Variants in SLAIN1 observed in about 807,000 individuals in gnomAD.
The protein encoded by SLAIN1 is SLAIN family member 1, also known as SLAIN motif-containing protein 1.
A neutral mutation model predicts 55.4 loss-of-function variants in SLAIN1; 17 were observed. The observed-to-expected ratio is 0.31, with a 90% CI of 0.21 to 0.46. SLAIN1 has a LOEUF of 0.46. Among genes scored for constraint, SLAIN1 ranks in the 20% least tolerant of loss-of-function variants. The probability of loss-of-function intolerance (pLI) is 1.00; values close to 1 mark genes in which losing one functional copy is unlikely to be tolerated. For synonymous variants in SLAIN1, 348 were observed against 337.4 expected, an observed-to-expected ratio of 1.03 and a Z score of -0.35; for missense variants, 682 against 785.1, an observed-to-expected ratio of 0.87 and a Z score of 1.57.
intron 5 of SLAIN1, among the ~76,000 whole-genome samples, chr13:77,757,313 G>T (rs184924920): frequency 6.6e-6 from 1 of 152,066 alleles, no homozygotes; most frequent in African/African-American, 2.4e-5. Flanking sequence ...GAGATGATTC[G>T]TCAACCAAGA....
rs192231853 is a variant in SLAIN1, at chr13:77,733,396, T to G, written c.767-10887T>G. On this transcript the variant is annotated intron_variant, in intron 2 of 6. Transcript: ENST00000418532. ...AAATCATGTTTTAAAAATATTACAT[T>G]TTGAGTAAAATTGGAAGTTTAAAGA... 1.9e-3 allele frequency among the ~76,000 whole-genome samples: 288 copies of G among 152,282 alleles called. 2 individuals carry two copies. The highest frequency in any genetic ancestry group is 6.1e-3 in the African/African-American group (253 of 41,584).
At position 77,697,789 on chromosome 13, in the gene SLAIN1, C is replaced by G. The variant is rs1415074810; in HGVS notation, c.-125C>G. ...CTGATGCGAACCGCCGGCTCGGCCT[C>G]AGCCCGCGCGTGGTCGGCCCCCCAG... On this transcript the variant is annotated 5_prime_UTR_variant, in exon 1 of 7. The change creates a premature stop within an existing upstream ORF in the 5' untranslated region. Transcript: ENST00000418532. 2 of 1,055,978 alleles carry G rather than the reference C, an allele frequency of 1.9e-6. No homozygotes were observed. The highest frequency in any genetic ancestry group is 2.4e-6 in the Non-Finnish European group (2 of 848,964). The allele number at this position is 1,055,978 out of a possible 1,614,324, so 65.4% of individuals were successfully genotyped here.
At chr13:77,717,914 T>A (rs1010694335) in intron 1 of SLAIN1, among the ~76,000 whole-genome samples, 1 of 152,066 alleles carries the variant, frequency 6.6e-6, no homozygotes, top group African/African-American at 2.4e-5. Context: ...TAACCTATAC[T>A]TGTGAGTAGG....
At chr13:77,748,517 G>A (rs1291106674) in intron 4 of SLAIN1, among the ~76,000 whole-genome samples, 3 of 146,288 alleles carry the variant, frequency 2.1e-5, no homozygotes, top group African/African-American at 2.5e-5. Flanking sequence ...ATTTTTCTCC[G>A]CTTAGCTGTT....
chr13:77,748,720 C>T (rs946376913), intron 4 of SLAIN1, among the ~76,000 whole-genome samples: 1 of 152,098 alleles, frequency 6.6e-6, no homozygotes, highest in South Asian at 2.1e-4. Context: ...AATACAAAGG[C>T]AATCTTCTGG....
chr13:77,699,793 T>C (rs906596369), intron 1 of SLAIN1, among the ~76,000 whole-genome samples: 7 of 152,272 alleles, frequency 4.6e-5, no homozygotes, highest in African/African-American at 1.4e-4. Context: ...TGTAAAAAAA[T>C]CAAACAACTC....
intron 4 of SLAIN1, among the ~76,000 whole-genome samples, chr13:77,752,760 C>T (rs977591314): frequency 2.0e-5 from 3 of 152,140 alleles, no homozygotes; most frequent in Non-Finnish European, 2.9e-5. Flanking sequence ...GTCTGATGCT[C>T]GAGGGTAGGA....
rs576128511 is a variant in SLAIN1 at position 77,746,989 on chromosome 13, C to A, written c.1258+134C>A. 6 of 754,916 alleles carry A rather than the reference C, an allele frequency of 7.9e-6. No homozygotes were observed. The African/African-American group carries it at 1.1e-4, about 13-fold the overall frequency. 46.8% of individuals were successfully genotyped at this position (754,916 alleles called of 1,614,324 possible). On this transcript the variant is annotated intron_variant, in intron 4 of 6. Coordinates refer to ENST00000418532, the MANE Select transcript of SLAIN1 (RefSeq NM_001242868.2). ...TCTCCTAGGTTGGAGTGCAGTGGCACGATCTCAGCTCACTGCAACCTCCAC... is the reference window on the plus strand; with the variant it reads ...TCTCCTAGGTTGGAGTGCAGTGGCAAGATCTCAGCTCACTGCAACCTCCAC...
intron 2 of SLAIN1, among the ~76,000 whole-genome samples, chr13:77,740,535 C>T (rs1223307950): frequency 6.6e-6 from 1 of 150,478 alleles, no homozygotes. Context: ...ACCGCCCCCC[C>T]CCCCTTTTTT....
chr13:77,709,093 A>T (rs2091120016), intron 1 of SLAIN1, among the ~76,000 whole-genome samples: 1 of 151,980 alleles, frequency 6.6e-6, no homozygotes, highest in South Asian at 2.1e-4. Context: ...GCTGAAAAAC[A>T]CAGCACGAGA....
rs112292176 is a variant in SLAIN1, at chr13:77,697,818, G to C, written c.-96G>C. ...CCGCGCGTGGTCGGCCCCCCAGGCC[G>C]GGGCGACAGGGAAGGAGCCGTAGCC... is the stretch of plus-strand genomic sequence containing the variant. On this transcript the variant is annotated 5_prime_UTR_variant, in exon 1 of 7. Coordinates refer to ENST00000418532, the MANE Select transcript of SLAIN1 (RefSeq NM_001242868.2). 12 of 1,169,424 alleles carry C rather than the reference G, an allele frequency of 1.0e-5. No homozygotes were observed. Among genetic ancestry groups the C allele is most frequent in the Non-Finnish European group, 1.3e-5 (12 of 946,382 alleles). The allele number at this position is 1,169,424 out of a possible 1,614,324, so 72.4% of individuals were successfully genotyped here. A position where few individuals can be genotyped will look rare whatever the true frequency, so the allele number is the denominator to read the frequency against.
At chr13:77,747,894 A>G (rs1406540384) in intron 4 of SLAIN1, among the ~76,000 whole-genome samples, 1 of 152,164 alleles carries the variant, frequency 6.6e-6, no homozygotes, top group African/African-American at 2.4e-5. Context: ...AGAAGCAATC[A>G]TGTAATATTC....
rs189028505 is a variant in SLAIN1, at chr13:77,752,657, G to T, written c.1259-546G>T. On this transcript the variant is annotated intron_variant, in intron 4 of 6. Transcript: ENST00000418532. ...CCAAATCCTCAAAAGTAGGGAAGCC[G>T]CCAGTGCAGCCTTCAGTCTGTGGCC... Among the ~76,000 whole-genome samples, 40 of 152,262 alleles carry T rather than the reference G, an allele frequency of 2.6e-4. No individual in the cohort carries two copies. In the East Asian group the frequency reaches 7.3e-3, roughly 28 times the overall value.
intron 1 of SLAIN1, among the ~76,000 whole-genome samples, chr13:77,713,119 C>T (rs1161560011): frequency 6.6e-6 from 1 of 151,998 alleles, no homozygotes; most frequent in East Asian, 1.9e-4. Flanking sequence ...AGAAGAAAAC[C>T]TGGGCAATAC....
rs2091001430 is a variant in SLAIN1 at position 77,698,867 on chromosome 13, T to C, written c.626+328T>C. On this transcript the variant is annotated intron_variant, in intron 1 of 6. Coordinates refer to ENST00000418532, the MANE Select transcript of SLAIN1 (RefSeq NM_001242868.2). This position sits in a 1 kb window ranked among gnomAD's most constrained non-coding sequence, Gnocchi z 4.1. ...CATTAAGTGCAAAATCCATGTCATC[T>C]TGTCTTTTTGCTCAGTGCTGCTCTT... 6.6e-7 allele frequency: 1 copy of C among 1,513,596 alleles called. No individual in the cohort carries two copies. The highest frequency in any genetic ancestry group is 8.8e-7 in the Non-Finnish European group (1 of 1,131,850). 93.8% of individuals were successfully genotyped at this position (1,513,596 alleles called of 1,614,324 possible).
At chr13:77,715,007 A>G (rs2091192560) in intron 1 of SLAIN1, among the ~76,000 whole-genome samples, 1 of 152,106 alleles carries the variant, frequency 6.6e-6, no homozygotes, top group African/African-American at 2.4e-5. Context: ...AGCTGGGATT[A>G]CAGGTGCATG....
chr13:77,759,170 A>T (rs1441191308), intron 5 of SLAIN1, among the ~76,000 whole-genome samples: 1 of 151,922 alleles, frequency 6.6e-6, no homozygotes, highest in Non-Finnish European at 1.5e-5. Context: ...ATTTCTAAGT[A>T]TTTTATTTTA....
chr13:77,759,314 G>A (rs1333369743), intron 5 of SLAIN1, among the ~76,000 whole-genome samples: 1 of 152,088 alleles, frequency 6.6e-6, no homozygotes, highest in East Asian at 1.9e-4. Flanking sequence ...CCATTTATCA[G>A]ATCTAGGAGC....
chr13:77,758,308 CTTGTAGAT>C (rs908112300), intron 5 of SLAIN1, among the ~76,000 whole-genome samples: 3 of 151,608 alleles, frequency 2.0e-5, no homozygotes, highest in African/African-American at 7.3e-5. Context: ...ATTTGAGTTC[CTTGTAGAT>C]TCTAGCTATT....
Sources: allele counts gnomAD v4.1 joint callset (sites outside exome capture counted in the v4.1 genomes callset), GRCh38; gene constraint gnomAD v4.1.1; non-coding constraint Gnocchi (gnomAD v3.1); transcripts MANE v1.5; gene names NCBI Gene and HGNC (gene_info 2026-07-23, HGNC 2026-07-21).